CCNY: variants seen among roughly 807,000 people sequenced by gnomAD.
CCNY encodes cyclin-Y.
CCNY carries 19 observed loss-of-function variants against 42.8 expected under a neutral mutation model. That is an observed-to-expected ratio of 0.44 (90% CI 0.31 to 0.65). CCNY has a LOEUF of 0.65. CCNY is among the 30% of genes least tolerant of loss of function. CCNY has a pLI of 0.07. For missense variants in CCNY, 370 were observed against 437.3 expected, an observed-to-expected ratio of 0.85 and a Z score of 1.37; for synonymous variants, 165 against 162.7, an observed-to-expected ratio of 1.01 and a Z score of -0.11.
At chr10:35,485,604 A>G (rs1839768068) in intron 2 of CCNY, among the ~76,000 whole-genome samples, 1 of 151,994 alleles carries the variant, frequency 6.6e-6, no homozygotes, top group South Asian at 2.1e-4. Flanking sequence ...GGGCACCTGT[A>G]TTCCCAGCCA....
chr10:35,418,394 A>G (rs970118834), intron 1 of CCNY, among the ~76,000 whole-genome samples: 1 of 152,184 alleles, frequency 6.6e-6, no homozygotes, highest in African/African-American at 2.4e-5. Flanking sequence ...CCAGGAGGGA[A>G]GATGGAGAGA....
At chr10:35,409,623 A>G (rs978082729) in intron 1 of CCNY, among the ~76,000 whole-genome samples, 3 of 152,228 alleles carry the variant, frequency 2.0e-5, no homozygotes, top group African/African-American at 4.8e-5. Flanking sequence ...CCTTAATTTA[A>G]ACCGTGATTT....
intron 1 of CCNY, among the ~76,000 whole-genome samples, chr10:35,424,196 CTAGCA>C (rs1165085474): frequency 5.9e-5 from 9 of 152,226 alleles, no homozygotes; most frequent in African/African-American, 2.2e-4. Context: ...AGCACCCAGC[CTAGCA>C]TAAGTTCTCA....
At chr10:35,315,926 T>A (rs982252731) in intron 3 of CCNY, among the ~76,000 whole-genome samples, 4 of 152,162 alleles carry the variant, frequency 2.6e-5, no homozygotes, top group African/African-American at 9.7e-5. Flanking sequence ...GCTAAGAACA[T>A]CTCATTCTAA....
At chr10:35,467,622 A>G (rs754601201) in intron 1 of CCNY, among the ~76,000 whole-genome samples, 9 of 152,182 alleles carry the variant, frequency 5.9e-5, no homozygotes, top group African/African-American at 9.7e-5. Flanking sequence ...GTTTCTTTCC[A>G]TTTCAATAAA....
At chr10:35,332,264 A>C (rs1835952129), upstream of CCNY, 1 of 152,222 alleles carries the variant, frequency 6.6e-6, no homozygotes, top group African/African-American at 2.4e-5. Context: ...TACTCTGAGG[A>C]GACACTACAG....
intron 8 of CCNY, among the ~76,000 whole-genome samples, chr10:35,564,676 A>T (rs1222730313): frequency 6.6e-6 from 1 of 152,034 alleles, no homozygotes; most frequent in East Asian, 1.9e-4. Context: ...CCCTGGCTTC[A>T]CTCACAGGAA....
chr10:35,349,367 G>C lies in CCNY; in HGVS notation c.154+12160G>C, dbSNP rs367631078. ...AGACTACATCTGTGTCTTCACTTTGGAAGTGGCATGTTGACAGTCAAGGCC... is the reference window on the plus strand; with the variant it reads ...AGACTACATCTGTGTCTTCACTTTGCAAGTGGCATGTTGACAGTCAAGGCC... On this transcript the variant is annotated intron_variant, in intron 1 of 9. Transcript: ENST00000374704. Among the ~76,000 whole-genome samples, 4 of 152,238 alleles carry C rather than the reference G, an allele frequency of 2.6e-5. No homozygotes were observed. In the East Asian group the frequency reaches 7.7e-4, roughly 29 times the overall value.
At chr10:35,491,575 C>T (rs1057168845) in intron 2 of CCNY, among the ~76,000 whole-genome samples, 5 of 152,164 alleles carry the variant, frequency 3.3e-5, no homozygotes, top group African/African-American at 1.2e-4. Context: ...AAGTCAGCGT[C>T]TTTCCTCTCC....
intron 1 of CCNY, among the ~76,000 whole-genome samples, chr10:35,459,093 G>T (rs1451898967): frequency 6.6e-6 from 1 of 152,166 alleles, no homozygotes; most frequent in Non-Finnish European, 1.5e-5. Flanking sequence ...TTGTAAAAAA[G>T]CTTATTTTAA....
chr10:35,496,512 A>C (rs1018873935), intron 2 of CCNY, among the ~76,000 whole-genome samples: 2 of 152,114 alleles, frequency 1.3e-5, no homozygotes, highest in Non-Finnish European at 2.9e-5. Context: ...AACACTTGCC[A>C]TTGGAAGGTC....
intron 1 of CCNY, among the ~76,000 whole-genome samples, chr10:35,410,915 A>C (rs1837889277): frequency 6.6e-6 from 1 of 152,152 alleles, no homozygotes; most frequent in Non-Finnish European, 1.5e-5. Flanking sequence ...GTGTTGTTGG[A>C]TTTGGGGAAG....
At chr10:35,473,694 C>T (rs1839437512) in intron 1 of CCNY, among the ~76,000 whole-genome samples, 2 of 152,182 alleles carry the variant, frequency 1.3e-5, no homozygotes, top group Admixed American at 1.3e-4. Flanking sequence ...TGTATTTTGT[C>T]TATAATCTCT....
At chr10:35,511,940 G>A (rs1017766072) in intron 3 of CCNY, among the ~76,000 whole-genome samples, 4 of 152,204 alleles carry the variant, frequency 2.6e-5, no homozygotes, top group African/African-American at 9.7e-5. Flanking sequence ...GATTTGCTTT[G>A]TATTAAGGTG....
In CCNY at chr10:35,553,144, G is replaced by C. The variant is rs536589641; in HGVS notation, c.705G>C (p.Val235=). 1.2e-6 allele frequency: 2 copies of C among 1,614,222 alleles called. No individual in the cohort carries two copies. Among genetic ancestry groups the C allele is most frequent in the South Asian group, 2.2e-5 (2 of 91,082 alleles). The stretch of plus-strand genomic sequence containing the variant: ...GGGATGACCAGGCTGTATGGAATGT[G>C]GATTACTGCCAGATCCTGAAAGACA... ...KVWDDQAVWN[V]DYCQILKDIT... Residue 235 remains valine (V), a synonymous_variant, in exon 8 of 10, where the codon GTG becomes GTC. Transcript: ENST00000374704.
At chr10:35,312,409 T>A (rs1258925712) in intron 3 of CCNY, among the ~76,000 whole-genome samples, 235 of 124,444 alleles carry the variant, frequency 1.9e-3, no homozygotes, top group African/African-American at 5.7e-3. Flanking sequence ...AAAAAAAAAA[T>A]GTTAATTAGG....
chr10:35,550,644 C>T (rs555102337), intron 7 of CCNY, among the ~76,000 whole-genome samples: 1 of 152,278 alleles, frequency 6.6e-6, no homozygotes, highest in East Asian at 1.9e-4. Context: ...GAGGACACTT[C>T]AGTTTCCTTC....
rs1391545971 is a variant in CCNY, at chr10:35,446,011, T to C, written c.155-37393T>C. Among the ~76,000 whole-genome samples the C allele has an allele frequency of 2.6e-5, 4 of 152,196 alleles. No individual in the cohort carries two copies. The East Asian group carries it at 7.7e-4, about 29-fold the overall frequency. ...CCTTTACTCTCATAAGAAAAGTCGT[T>C]GGGCAGATCTATTAAAAATAACCAG... is the stretch of plus-strand genomic sequence containing the variant. On this transcript the variant is annotated intron_variant, in intron 1 of 9. Transcript: ENST00000374704.
In CCNY at chr10:35,360,648, A is replaced by G. The variant is rs1053869510; in HGVS notation, c.154+23441A>G. Among the ~76,000 whole-genome samples, 4 of 152,124 alleles carry G rather than the reference A, an allele frequency of 2.6e-5. No homozygotes were observed. The East Asian group carries it at 7.7e-4, about 29-fold the overall frequency. ...TTGATTTTAGAAAATTTAAAAAAGT[A>G]TATAGAAAAAATTACCTGTAATCCT... On this transcript the variant is annotated intron_variant, in intron 1 of 9. Coordinates refer to ENST00000374704, the MANE Select transcript of CCNY (RefSeq NM_145012.6).
Sources: gnomAD v4.1 joint callset for allele counts (sites outside exome capture counted in the v4.1 genomes callset) on GRCh38, gnomAD v4.1.1 for gene constraint, MANE v1.5 for transcripts, NCBI Gene and HGNC (gene_info 2026-07-23, HGNC 2026-07-21) for gene names.